The following INCA1 variants were observed in gnomAD, a reference collection of about 807,000 sequenced individuals.
INCA1 encodes protein INCA1.
Under a neutral mutation model 25.7 loss-of-function variants are expected in INCA1, and 28 were observed. The ratio of observed to expected loss-of-function variants is 1.09; its 90% confidence interval spans 0.81 to 1.49. INCA1 has a LOEUF of 1.49. Ranked by LOEUF, INCA1 falls within the 40% of genes most tolerant of loss-of-function variation. The pLI is 0.00. For missense variants in INCA1, 309 were observed against 290.9 expected, an observed-to-expected ratio of 1.06 and a Z score of -0.45; for synonymous variants, 111 against 103.6, an observed-to-expected ratio of 1.07 and a Z score of -0.43.
At chr17:4,993,609 C>T (rs1044071553) in intron 2 of INCA1, among the ~76,000 whole-genome samples, 6 of 151,366 alleles carry the variant, frequency 4.0e-5, no homozygotes, top group Non-Finnish European at 8.8e-5. Context: ...GCTGGGACTA[C>T]AGGCGCCCGC....
chr17:4,992,338 A>G (rs1215340497), intron 2 of INCA1, among the ~76,000 whole-genome samples: 2 of 152,134 alleles, frequency 1.3e-5, no homozygotes, highest in Non-Finnish European at 2.9e-5. Context: ...GCTGGAGTGC[A>G]GTGACCCAAT....
intron 2 of INCA1, among the ~76,000 whole-genome samples, chr17:4,991,800 A>C (rs1298239024): frequency 6.6e-6 from 1 of 152,154 alleles, no homozygotes; most frequent in East Asian, 1.9e-4. Flanking sequence ...GGTATGTCTC[A>C]CTTTCCCTCA....
intron 2 of INCA1, among the ~76,000 whole-genome samples, chr17:4,993,752 G>A (rs1974036565): frequency 3.4e-5 from 5 of 147,004 alleles, no homozygotes; most frequent in African/African-American, 1.3e-4. Flanking sequence ...ACAGGTGTGA[G>A]CCACCGTGCC....
chr17:4,992,029 C>T (rs566521334), intron 2 of INCA1, among the ~76,000 whole-genome samples: 1 of 151,864 alleles, frequency 6.6e-6, no homozygotes, highest in Admixed American at 6.6e-5. Flanking sequence ...GATGATCATA[C>T]GAAATAATAT....
At chr17:4,991,354 G>C (rs1403188485) in intron 2 of INCA1, among the ~76,000 whole-genome samples, 3 of 152,196 alleles carry the variant, frequency 2.0e-5, no homozygotes, top group Non-Finnish European at 4.4e-5. Context: ...TTGTTAAAGA[G>C]GAAGGCCTTG....
chr17:4,996,431 C>G (rs1345017218), intron 1 of INCA1, among the ~76,000 whole-genome samples: 1 of 151,058 alleles, frequency 6.6e-6, no homozygotes, highest in Non-Finnish European at 1.5e-5. Context: ...ACTGTAATCC[C>G]AGCACTTTGG....
intron 2 of INCA1, among the ~76,000 whole-genome samples, chr17:4,993,961 G>A (rs1411189033): frequency 6.6e-6 from 1 of 150,724 alleles, no homozygotes; most frequent in Non-Finnish European, 1.5e-5. Flanking sequence ...TAGTAGAGAT[G>A]GGGTTTTGTC....
exon 3 of INCA1, chr17:4,990,243 A>G (rs1375908051): frequency 3.1e-6 from 5 of 1,613,924 alleles, no homozygotes; most frequent in Non-Finnish European, 4.2e-6. Context: ...GGGGGTGGAG[A>G]TCGGCTGACC....
intron 1 of INCA1, among the ~76,000 whole-genome samples, chr17:4,995,316 T>A (rs1199967581): frequency 6.6e-6 from 1 of 152,202 alleles, no homozygotes; most frequent in African/African-American, 2.4e-5. Flanking sequence ...AAAGCAAATC[T>A]TCTGAAGCTA....
rs558179992 is a variant in INCA1, at chr17:4,991,059, C to T, written c.45-794G>A. 5.9e-5 allele frequency among the ~76,000 whole-genome samples: 9 copies of T among 151,758 alleles called. No individual in the cohort carries two copies. The South Asian group carries it at 1.9e-3, about 32-fold the overall frequency. On this transcript the variant is annotated intron_variant, in intron 2 of 6. Coordinates refer to ENST00000576820, the Ensembl canonical transcript of INCA1. ...TCAGCCTCCCGAGTAGCTGGGATTA[C>T]AGGCACCCACTACCACGCCCGGCCA...
At position 4,989,427 on chromosome 17, in the gene INCA1, C is replaced by G; in HGVS notation, c.395+1G>C. The G allele has an allele frequency of 6.2e-7, 1 of 1,611,026 alleles. No individual in the cohort carries two copies. Among genetic ancestry groups the G allele is most frequent in the South Asian group, 1.1e-5 (1 of 90,868 alleles). On this transcript the variant is annotated splice_donor_variant, in intron 5 of 6. Coordinates refer to ENST00000576820, the Ensembl canonical transcript of INCA1. LOFTEE classifies it high-confidence loss of function. ...AGAACCCAGATGTCTCCCTTCCTTACTCGTTGATGATGCTCTGACGCCTTC... is the reference window on the plus strand; with the variant it reads ...AGAACCCAGATGTCTCCCTTCCTTAGTCGTTGATGATGCTCTGACGCCTTC...
In INCA1 at chr17:4,994,324, G is replaced by A. The variant is rs1974078120; in HGVS notation, c.44+70C>T. On this transcript the variant is annotated intron_variant, in intron 2 of 6. Coordinates refer to ENST00000576820, the Ensembl canonical transcript of INCA1. ...CGTTCTTTATTTCCTAATCCTCTTA[G>A]GGAAGGACCCAGGCATGCAATATCC... The A allele has an allele frequency of 6.3e-6, 9 of 1,419,918 alleles. No individual in the cohort carries two copies. In the Admixed American group the frequency reaches 1.3e-4, roughly 21 times the overall value. The allele number at this position is 1,419,918 out of a possible 1,614,324, so 88.0% of individuals were successfully genotyped here. A position where few individuals can be genotyped will look rare whatever the true frequency, so the allele number is the denominator to read the frequency against.
rs1479380677 is a variant in INCA1 at position 4,990,698 on chromosome 17, AT to A, written c.45-434del. On this transcript the variant is annotated intron_variant, in intron 2 of 6. Transcript: ENST00000576820. The stretch of plus-strand genomic sequence containing the variant: ...GGAGTCCAAGACCAGCCTGGCCAAC[AT>A]GTTGAAACCCCGTCTCTACTAAAAT... Among the ~76,000 whole-genome samples the A allele has an allele frequency of 4.6e-5, 7 of 151,704 alleles. No homozygotes were observed. In the South Asian group the frequency reaches 6.2e-4, roughly 14 times the overall value.
intron 2 of INCA1, among the ~76,000 whole-genome samples, chr17:4,993,929 G>T (rs1227029694): frequency 6.6e-6 from 1 of 151,696 alleles, no homozygotes; most frequent in Non-Finnish European, 1.5e-5. Flanking sequence ...GCACCACCAT[G>T]CCTGGCTAAT....
chr17:4,991,876 T>G (rs1973896652), intron 2 of INCA1, among the ~76,000 whole-genome samples: 1 of 152,170 alleles, frequency 6.6e-6, no homozygotes, highest in African/African-American at 2.4e-5. Context: ...GTACCTGAAT[T>G]TGACCACTCC....
chr17:4,990,635 A>T (rs1973809575), intron 2 of INCA1, among the ~76,000 whole-genome samples: 1 of 151,660 alleles, frequency 6.6e-6, no homozygotes. Flanking sequence ...TAATCCCAGC[A>T]CTTTGGGAGG....
rs762262485 is a variant in INCA1, at chr17:4,988,838, C to T, written c.502G>A (p.Glu168Lys). ...TCCTGTGGATAGGTTGCTCTCTCCT[C>T]TTCCAGATCAGGGTATTCATTGGTG... The change falls in exon 6 of 7, where the codon GAG becomes AAG. Residue 168 changes from glutamate to lysine, a missense_variant. Glu to Lys is a moderately conservative substitution (Grantham distance 56). Coordinates refer to ENST00000576820, the Ensembl canonical transcript of INCA1. 7 of 1,614,132 alleles carry T rather than the reference C, an allele frequency of 4.3e-6. No individual in the cohort carries two copies. The highest frequency in any genetic ancestry group is 1.6e-4 in the Middle Eastern group (1 of 6,084).
At chr17:4,992,234 A>G (rs1238942782) in intron 2 of INCA1, among the ~76,000 whole-genome samples, 1 of 152,222 alleles carries the variant, frequency 6.6e-6, no homozygotes, top group African/African-American at 2.4e-5. Context: ...AAGGCTGGTC[A>G]TGTCACTCTC....
In INCA1 at chr17:4,989,557, CA is replaced by C. The variant is rs752322053; in HGVS notation, c.265del (p.Trp89GlyfsTer25). 2.5e-6 allele frequency: 4 copies of C among 1,614,232 alleles called. No individual in the cohort carries two copies. In the South Asian group the frequency reaches 4.4e-5, roughly 18 times the overall value. ...ACATGGCCTCCTCTTCTTTCTTCTC[CA>C]AAGCATTTCAGGGGGTGGGAGCTGC... On this transcript the variant is annotated frameshift_variant, in exon 5 of 7. Coordinates refer to ENST00000576820, the Ensembl canonical transcript of INCA1. LOFTEE classifies it high-confidence loss of function.
Sources: gnomAD v4.1 joint callset for allele counts (sites outside exome capture counted in the v4.1 genomes callset) on GRCh38, gnomAD v4.1.1 for gene constraint, MANE v1.5 for transcripts, NCBI Gene and HGNC (gene_info 2026-07-23, HGNC 2026-07-21) for gene names.